Variants in KIF13A observed in about 807,000 individuals in gnomAD.
The protein encoded by KIF13A is kinesin family member 13A.
KIF13A carries 79 observed loss-of-function variants against 212.2 expected under a neutral mutation model. The observed-to-expected ratio is 0.37, with a 90% confidence interval of 0.31 to 0.45. The LOEUF (loss-of-function observed/expected upper bound fraction) is 0.45, where lower values mean the gene tolerates loss of function less well. Ranked by LOEUF, KIF13A falls within the 20% of genes least tolerant of loss-of-function variation. The probability of loss-of-function intolerance (pLI) is 1.00; values close to 1 mark genes in which losing one functional copy is unlikely to be tolerated. For missense variants in KIF13A, 1,901 were observed against 2,209.0 expected, an observed-to-expected ratio of 0.86 and a Z score of 2.79; for synonymous variants, 789 against 808.6, an observed-to-expected ratio of 0.98 and a Z score of 0.41.
rs1408678327 is a variant in KIF13A, at chr6:17,839,950, G to T, written c.831-2367C>A. On this transcript the variant is annotated intron_variant, in intron 9 of 38. Transcript: ENST00000259711. This position sits in a 1 kb window ranked among gnomAD's most constrained non-coding sequence, Gnocchi z 4.3. ...AATTTCTGTTGTTTTAAGCTACTCA[G>T]TTTGTGGTAATCTGTTACAGTAGCA... Among the ~76,000 whole-genome samples the T allele has an allele frequency of 6.6e-6, 1 of 152,170 alleles. No individual in the cohort carries two copies.
Position 17,971,194 on chromosome 6 carries a change from A to G in KIF13A, c.146+15860T>C, listed in dbSNP as rs1280237650. Among the ~76,000 whole-genome samples the G allele has an allele frequency of 2.0e-5, 3 of 152,288 alleles. No individual in the cohort carries two copies. In the East Asian group the frequency reaches 5.8e-4, roughly 29 times the overall value. On this transcript the variant is annotated intron_variant, in intron 2 of 38. Transcript: ENST00000259711. The surrounding 1 kb of genome is among the most constrained non-coding windows in gnomAD (Gnocchi z 4.2). Reference sequence around the variant, plus strand: ...TCAGAACTCCAATAGCTGATGTACTATTAGACATCGCACACACCAGGGACA... The same window carrying G: ...TCAGAACTCCAATAGCTGATGTACTGTTAGACATCGCACACACCAGGGACA...
intron 25 of KIF13A, among the ~76,000 whole-genome samples, chr6:17,790,125 C>A (rs1239511566): frequency 6.6e-6 from 1 of 152,172 alleles, no homozygotes; most frequent in African/African-American, 2.4e-5. Context: ...AACATAAAAA[C>A]TTGGCTGGGC....
At chr6:17,815,114 C>T (rs1250133818) in intron 17 of KIF13A, among the ~76,000 whole-genome samples, 1 of 152,234 alleles carries the variant, frequency 6.6e-6, no homozygotes. Flanking sequence ...GGGTCCCTTC[C>T]CTGTTTGGCA....
In KIF13A at chr6:17,789,809, G is replaced by T; in HGVS notation, c.3261+63C>A. On this transcript the variant is annotated intron_variant, in intron 26 of 38. Transcript: ENST00000259711. This position sits in a 1 kb window ranked among gnomAD's most constrained non-coding sequence, Gnocchi z 4.8. ...CTTCCTCCTCCCTGGCCTCTGCTTT[G>T]CGAATGCTGGCAATTAGCAGTAGCT... The T allele has an allele frequency of 7.0e-7, 1 of 1,433,570 alleles. No individual in the cohort carries two copies. Among genetic ancestry groups the T allele is most frequent in the Non-Finnish European group, 9.8e-7 (1 of 1,022,546 alleles). The allele number at this position is 1,433,570 out of a possible 1,614,324, so 88.8% of individuals were successfully genotyped here. A position where few individuals can be genotyped will look rare whatever the true frequency, so the allele number is the denominator to read the frequency against.
At chr6:17,791,533 G>A (rs1761554490) in intron 25 of KIF13A, among the ~76,000 whole-genome samples, 1 of 152,078 alleles carries the variant, frequency 6.6e-6, no homozygotes, top group Non-Finnish European at 1.5e-5. Flanking sequence ...TAGCACTGGG[G>A]AAAGGCTAAT....
chr6:17,807,212 C>G (rs1373212261), intron 18 of KIF13A, among the ~76,000 whole-genome samples: 6 of 152,140 alleles, frequency 3.9e-5, no homozygotes, highest in Admixed American at 1.3e-4. Context: ...ACCATAAGGT[C>G]TGACTGCCTG....
chr6:17,977,429 A>G (rs949580954), intron 2 of KIF13A, among the ~76,000 whole-genome samples: 1 of 152,272 alleles, frequency 6.6e-6, no homozygotes, highest in Admixed American at 6.5e-5. Context: ...AGCCAAGGGC[A>G]CTAAAATGTT....
At chr6:17,973,567 T>C (rs150594416) in intron 2 of KIF13A, among the ~76,000 whole-genome samples, 8 of 152,336 alleles carry the variant, frequency 5.3e-5, no homozygotes, top group African/African-American at 1.9e-4. Flanking sequence ...ACTTACTCTA[T>C]TTAACTCAAC....
In KIF13A at chr6:17,820,260, C is replaced by T. The variant is rs145923745; in HGVS notation, c.1787-3027G>A. On this transcript the variant is annotated intron_variant, in intron 16 of 38. Coordinates refer to ENST00000259711, the MANE Select transcript of KIF13A (RefSeq NM_022113.6). ...ATACAGAAGACAGAGCAACTCAATC[C>T]GTCCTTCCTCTGAGACTCCCACAGT... Among the ~76,000 whole-genome samples the T allele has an allele frequency of 1.9e-3, 288 of 152,222 alleles. 1 individual carries two copies. The highest frequency in any genetic ancestry group is 6.6e-3 in the African/African-American group (275 of 41,532).
At chr6:17,848,558 CTTTTTTTT>C (rs66477046) in intron 9 of KIF13A, among the ~76,000 whole-genome samples, 3 of 68,856 alleles carry the variant, frequency 4.4e-5, no homozygotes, top group African/African-American at 1.1e-4. Context: ...ACTCGTACAT[CTTTTTTTT>C]TTTTTTTTTT....
chr6:17,785,509 C>T lies in KIF13A; in HGVS notation c.3488+6G>A. ...CAGGTCTGCACAGAAGGGAGGGCAG[C>T]CTTACCAGTCGGCAGGTGCCCCAGG... is the stretch of plus-strand genomic sequence containing the variant. On this transcript the variant is annotated splice_donor_region_variant and intron_variant, in intron 28 of 38. Transcript: ENST00000259711. This position sits in a 1 kb window ranked among gnomAD's most constrained non-coding sequence, Gnocchi z 5.8. 4.5e-6 allele frequency: 7 copies of T among 1,560,230 alleles called. No individual in the cohort carries two copies. The highest frequency in any genetic ancestry group is 6.1e-6 in the Non-Finnish European group (7 of 1,155,814).
At position 17,918,355 on chromosome 6, in the gene KIF13A, A is replaced by G. The variant is rs1431836688; in HGVS notation, c.147-20175T>C. On this transcript the variant is annotated intron_variant, in intron 2 of 38. Transcript: ENST00000259711. The surrounding 1 kb of genome is among the most constrained non-coding windows in gnomAD (Gnocchi z 4.8). ...AAGAATGTAAATGTCCCACACTGCC[A>G]TTTATGACAAGTTGTACTTAAACGG... 5.9e-5 allele frequency among the ~76,000 whole-genome samples: 9 copies of G among 152,230 alleles called. No homozygotes were observed. The East Asian group carries it at 1.7e-3, about 29-fold the overall frequency.
At chr6:17,761,211 A>AT (rs1253149196), downstream of KIF13A, among the ~76,000 whole-genome samples, 1 of 152,196 alleles carries the variant, frequency 6.6e-6, no homozygotes, top group East Asian at 1.9e-4. Flanking sequence ...AAAACAACTT[A>AT]TTAAAACCAA....
At chr6:17,770,906 T>G in intron 38 of KIF13A, 1 of 541,558 alleles carries the variant, frequency 1.8e-6, no homozygotes, top group South Asian at 3.1e-5. Flanking sequence ...TAAGCAAACT[T>G]AAGCAAAAAA....
Position 17,777,416 on chromosome 6 carries a change from C to G in KIF13A, c.4093-62G>C. Reference sequence around the variant, plus strand: ...TTTTTTCCCCAGAGACAGAGTCTCACTCTGTTGCCCAGGCTGGAGTGTAGT... The same window carrying G: ...TTTTTTCCCCAGAGACAGAGTCTCAGTCTGTTGCCCAGGCTGGAGTGTAGT... On this transcript the variant is annotated intron_variant, in intron 33 of 38. Coordinates refer to ENST00000259711, the MANE Select transcript of KIF13A (RefSeq NM_022113.6). This position sits in a 1 kb window ranked among gnomAD's most constrained non-coding sequence, Gnocchi z 4.4. 2 of 1,354,490 alleles carry G rather than the reference C, an allele frequency of 1.5e-6. No individual in the cohort carries two copies. The highest frequency in any genetic ancestry group is 2.1e-6 in the Non-Finnish European group (2 of 968,204). 83.9% of individuals were successfully genotyped at this position (1,354,490 alleles called of 1,614,324 possible).
rs1765770721 is a variant in KIF13A at position 17,834,696 on chromosome 6, G to T, written c.1156-625C>A. On this transcript the variant is annotated intron_variant, in intron 11 of 38. Coordinates refer to ENST00000259711, the MANE Select transcript of KIF13A (RefSeq NM_022113.6). This position sits in a 1 kb window ranked among gnomAD's most constrained non-coding sequence, Gnocchi z 4.0. ...AGCTTAACAAAATTTTGAGGGGAGA[G>T]GCCTTTACTTGTCAATAATATGCTT... Among the ~76,000 whole-genome samples, 1 of 152,256 alleles carries T rather than the reference G, an allele frequency of 6.6e-6. No homozygotes were observed. The highest frequency in any genetic ancestry group is 6.5e-5 in the Admixed American group (1 of 15,298).
intron 2 of KIF13A, among the ~76,000 whole-genome samples, chr6:17,909,878 C>T (rs1358198357): frequency 2.6e-5 from 4 of 151,850 alleles, no homozygotes; most frequent in Non-Finnish European, 5.9e-5. Context: ...AGTGAGACTC[C>T]GTCTCAAAAC....
Position 17,771,327 on chromosome 6 carries a change from G to T in KIF13A, c.4477-109C>A. On this transcript the variant is annotated intron_variant, in intron 37 of 38. Transcript: ENST00000259711. This position sits in a 1 kb window ranked among gnomAD's most constrained non-coding sequence, Gnocchi z 5.4. ...AGCAATGCTAACACTCTTATTACAT[G>T]TGAGTAATGCAGCAGCCAATTCTGC... 1 of 693,648 alleles carries T rather than the reference G, an allele frequency of 1.4e-6. No homozygotes were observed. The highest frequency in any genetic ancestry group is 1.7e-5 in the South Asian group (1 of 59,850). The allele number at this position is 693,648 out of a possible 1,614,324, so 43.0% of individuals were successfully genotyped here. A position where few individuals can be genotyped will look rare whatever the true frequency, so the allele number is the denominator to read the frequency against.
downstream of KIF13A, among the ~76,000 whole-genome samples, chr6:17,762,340 G>A (rs1389381082): frequency 6.6e-6 from 1 of 151,852 alleles, no homozygotes; most frequent in Non-Finnish European, 1.5e-5. Context: ...AGCCTCCCGA[G>A]TAGCTGGGAC....
Sources: allele counts gnomAD v4.1 joint callset (sites outside exome capture counted in the v4.1 genomes callset), GRCh38; gene constraint gnomAD v4.1.1; non-coding constraint Gnocchi (gnomAD v3.1); transcripts MANE v1.5; gene names NCBI Gene and HGNC (gene_info 2026-07-23, HGNC 2026-07-21).